The following TMEM216 variants were observed in gnomAD, a reference collection of about 807,000 sequenced individuals.
The protein encoded by TMEM216 is transmembrane protein 216, also known as cerebello-oculo-renal syndrome 2.
Under a neutral mutation model 17.8 loss-of-function variants are expected in TMEM216, and 15 were observed. The ratio of observed to expected loss-of-function variants is 0.84; its 90% CI spans 0.56 to 1.30. The LOEUF is 1.30. Among genes scored for constraint, TMEM216 ranks in the 50% most tolerant of loss-of-function variants. TMEM216 has a pLI of 0.00. For missense variants in TMEM216, 160 were observed against 175.7 expected (o/e 0.91, Z 0.51); for synonymous variants, 58 against 73.5 (o/e 0.79, Z 1.08).
At chr11:61,397,020 T>C (rs903501732) in intron 3 of TMEM216, among the ~76,000 whole-genome samples, 2 of 152,010 alleles carry the variant, frequency 1.3e-5, no homozygotes, top group African/African-American at 4.8e-5. Flanking sequence ...AGGGTATGCT[T>C]CTATTTTTAT....
intron 2 of TMEM216, among the ~76,000 whole-genome samples, chr11:61,393,655 T>G (rs1490075497): frequency 6.6e-6 from 1 of 152,194 alleles, no homozygotes; most frequent in Non-Finnish European, 1.5e-5. Flanking sequence ...CATCCAATCA[T>G]TTTGGAGAGT....
intron 3 of TMEM216, among the ~76,000 whole-genome samples, chr11:61,397,311 C>T (rs1306381592): frequency 4.6e-5 from 7 of 151,710 alleles, no homozygotes; most frequent in Admixed American, 2.0e-4. Context: ...GGACTACAGG[C>T]GCCCGCCACC....
chr11:61,397,710 G>T, intron 3 of TMEM216, 64 bp from the exon 4 acceptor site: 1 of 1,487,228 alleles, frequency 6.7e-7, no homozygotes, highest in Non-Finnish European at 9.3e-7. Flanking sequence ...CATCTCCCAC[G>T]CCTTTCCCCT....
intron 1 of TMEM216, 151 bp from the exon 2 acceptor site, chr11:61,393,080 C>T: frequency 1.5e-6 from 1 of 684,806 alleles, no homozygotes; most frequent in Admixed American, 3.2e-5. Flanking sequence ...CCCGTACCCT[C>T]GCCCCCTCAT....
chr11:61,393,401 G>C, intron 2 of TMEM216, 69 bp downstream of exon 2: 1 of 1,131,014 alleles, frequency 8.8e-7, no homozygotes. Flanking sequence ...TTCCTACCAA[G>C]AACCTTCTTA....
At chr11:61,397,169 AT>A (rs750796937) in intron 3 of TMEM216, among the ~76,000 whole-genome samples, 203 of 144,294 alleles carry the variant, frequency 1.4e-3, no homozygotes, top group Admixed American at 1.6e-3. Context: ...CTGTGTTGAA[AT>A]TTTTTTTTTT....
chr11:61,392,751 C>T, intron 1 of TMEM216, 86 bp downstream of exon 1: 1 of 1,534,612 alleles, frequency 6.5e-7, no homozygotes, highest in Non-Finnish European at 8.7e-7. Flanking sequence ...GACCTAAACC[C>T]TCCATTCTCT....
At chr11:61,398,202 G>A in intron 4 of TMEM216, 68 bp from the exon 5 acceptor site, 1 of 1,586,550 alleles carries the variant, frequency 6.3e-7, no homozygotes. Context: ...ATATAGAACA[G>A]TCGAGGCCAG....
At position 61,393,154 on chromosome 11, in the gene TMEM216, A is replaced by C. The variant is rs974054620; in HGVS notation, c.35-77A>C. On this transcript the variant is annotated intron_variant, in intron 1 of 4. Transcript: ENST00000515837. ...TTAGTTGCAGCGTCTAGTTTCCCCA[A>C]AGTTAGACACCAACCCATACGAGCA... 7.7e-6 allele frequency: 9 copies of C among 1,167,358 alleles called. No individual in the cohort carries two copies. In the African/African-American group the frequency reaches 1.2e-4, roughly 16 times the overall value. The allele number at this position is 1,167,358 out of a possible 1,614,324, so 72.3% of individuals were successfully genotyped here. A position where few individuals can be genotyped will look rare whatever the true frequency, so the allele number is the denominator to read the frequency against.
chr11:61,393,277 C>G lies in TMEM216; in HGVS notation c.81C>G (p.Asn27Lys), dbSNP rs1320110570. 6.5e-7 allele frequency: 1 copy of G among 1,535,968 alleles called. No homozygotes were observed. The highest frequency in any genetic ancestry group is 2.4e-5 in the East Asian group (1 of 40,906). Residue 27 changes from asparagine (N) to lysine (K), a missense_variant, in exon 2 of 5, where the codon AAC becomes AAG. Asn to Lys is a moderately conservative substitution (Grantham distance 94). Transcript: ENST00000515837. The part of the protein sequence containing the change: ...STPLEILFFL[N>K]GWYNATYFLL... ...CGCTGGAAATCCTGTTCTTTCTGAA[C>G]GGGTGGTATAATGCTACCTATTTCC...
intron 3 of TMEM216, among the ~76,000 whole-genome samples, chr11:61,395,522 T>G (rs1267742138): frequency 6.6e-6 from 1 of 151,578 alleles, no homozygotes; most frequent in East Asian, 1.9e-4. Context: ...GGTGGATCAT[T>G]TGAGGTGAAG....
intron 3 of TMEM216, among the ~76,000 whole-genome samples, chr11:61,397,327 C>T (rs534021219): frequency 1.3e-4 from 20 of 151,958 alleles, no homozygotes; most frequent in African/African-American, 2.9e-4. Context: ...CCACCACGCC[C>T]GGCTACTTTT....
chr11:61,393,997 A>G, intron 3 of TMEM216, 21 bp downstream of exon 3: 1 of 1,602,524 alleles, frequency 6.2e-7, no homozygotes, highest in Non-Finnish European at 8.6e-7. Flanking sequence ...TCCAGAGAAT[A>G]TTTCCACTCC....
At chr11:61,398,049 T>A (rs757621122) in intron 4 of TMEM216, 74 bp downstream of exon 4, 33 of 1,570,102 alleles carry the variant, frequency 2.1e-5, no homozygotes, top group Non-Finnish European at 2.8e-5. Context: ...TCAGTATTCT[T>A]CTGAAGCCTA....
rs1009303578 is a variant in TMEM216 at position 61,398,495 on chromosome 11, G to T, written c.*219G>T. 3 of 566,526 alleles carry T rather than the reference G, an allele frequency of 5.3e-6. No individual in the cohort carries two copies. The highest frequency in any genetic ancestry group is 1.9e-5 in the African/African-American group (1 of 53,508). 35.1% of individuals were successfully genotyped at this position (566,526 alleles called of 1,614,324 possible). A position where few individuals can be genotyped will look rare whatever the true frequency, so the allele number is the denominator to read the frequency against. Reference sequence around the variant, plus strand: ...GCCCAAGAGACTCTTCTACACTCCAGTATAGGGAGGGGCAAGGTTATTCCC... The same window carrying T: ...GCCCAAGAGACTCTTCTACACTCCATTATAGGGAGGGGCAAGGTTATTCCC... On this transcript the variant is annotated 3_prime_UTR_variant, in exon 5 of 5. Transcript: ENST00000515837.
At chr11:61,393,863 C>T (rs1372565201) in intron 2 of TMEM216, 21 bp from the exon 3 acceptor site, 13 of 1,608,250 alleles carry the variant, frequency 8.1e-6, no homozygotes, top group Non-Finnish European at 1.1e-5. Context: ...TGTTTGCAAA[C>T]TCTGGCTTTT....
chr11:61,395,350 C>T (rs1858774797), intron 3 of TMEM216, among the ~76,000 whole-genome samples: 2 of 152,098 alleles, frequency 1.3e-5, no homozygotes, highest in Non-Finnish European at 2.9e-5. Flanking sequence ...TCCCTGAAAT[C>T]AACGTTAAAG....
At position 61,393,390 on chromosome 11, in the gene TMEM216, A is replaced by G. The variant is rs955708363; in HGVS notation, c.136+58A>G. On this transcript the variant is annotated intron_variant, in intron 2 of 4. Transcript: ENST00000515837. ...CCTTCCCCACTTCAGCTCAGAGCCA[A>G]TTCCTACCAAGAACCTTCTTATTTT... is the stretch of plus-strand genomic sequence containing the variant. 18 of 1,208,432 alleles carry G rather than the reference A, an allele frequency of 1.5e-5. No individual in the cohort carries two copies. The Admixed American group carries it at 2.0e-4, about 13-fold the overall frequency. The allele number at this position is 1,208,432 out of a possible 1,614,324, so 74.9% of individuals were successfully genotyped here. A position where few individuals can be genotyped will look rare whatever the true frequency, so the allele number is the denominator to read the frequency against.
intron 3 of TMEM216, among the ~76,000 whole-genome samples, chr11:61,395,116 A>T (rs1858770497): frequency 6.6e-6 from 1 of 152,174 alleles, no homozygotes; most frequent in Non-Finnish European, 1.5e-5. Flanking sequence ...AGCTGGGACC[A>T]CAGGTGTGCG....
Sources: gnomAD v4.1 joint callset for allele counts (sites outside exome capture counted in the v4.1 genomes callset) on GRCh38, gnomAD v4.1.1 for gene constraint, MANE v1.5 for transcripts, NCBI Gene and HGNC (gene_info 2026-07-23, HGNC 2026-07-21) for gene names.